Variants in ZNF385D observed in about 807,000 individuals in gnomAD.
ZNF385D encodes the protein zinc finger protein 659.
In ZNF385D, 15 loss-of-function variants were observed where a neutral mutation model predicts 35.8. The observed-to-expected ratio is 0.42, with a 90% CI of 0.28 to 0.64. ZNF385D has a LOEUF of 0.64. Among genes scored for constraint, ZNF385D ranks in the 30% least tolerant of loss-of-function variants. The pLI, the probability that ZNF385D is intolerant of heterozygous loss-of-function variation, is 0.23. For synonymous variants in ZNF385D, 212 were observed against 186.8 expected, an observed-to-expected ratio of 1.13 and a Z score of -1.10; for missense variants, 474 against 494.6, an observed-to-expected ratio of 0.96 and a Z score of 0.39.
intron 2 of ZNF385D, among the ~76,000 whole-genome samples, chr3:21,640,922 A>G (rs1283115670): frequency 6.6e-6 from 1 of 152,098 alleles, no homozygotes; most frequent in African/African-American, 2.4e-5. Flanking sequence ...GTGACTGCAC[A>G]TGTGAGAACC....
intron 3 of ZNF385D, among the ~76,000 whole-genome samples, chr3:21,789,717 A>C (rs1162029765): frequency 6.6e-6 from 1 of 152,108 alleles, no homozygotes; most frequent in East Asian, 1.9e-4. Context: ...TTATGTAAAA[A>C]AAGATAAATC....
chr3:22,268,791 C>G (rs545703954), intron 2 of ZNF385D, among the ~76,000 whole-genome samples: 1 of 151,996 alleles, frequency 6.6e-6, no homozygotes, highest in African/African-American at 2.4e-5. Flanking sequence ...GAGACATACC[C>G]CCTCAGAACC....
At chr3:22,224,882 A>G (rs1205851039) in intron 2 of ZNF385D, among the ~76,000 whole-genome samples, 1 of 152,132 alleles carries the variant, frequency 6.6e-6, no homozygotes, top group African/African-American at 2.4e-5. Context: ...GAGTTTTGCT[A>G]TAATCTTTGT....
In ZNF385D at chr3:21,663,935, A is replaced by C. The variant is rs570274750; in HGVS notation, c.165+951T>G. Among the ~76,000 whole-genome samples, 42 of 131,996 alleles carry C rather than the reference A, an allele frequency of 3.2e-4. 2 individuals carry two copies. In the South Asian group the frequency reaches 9.9e-3, roughly 31 times the overall value. The allele number at this position is 131,996 out of a possible 152,430, so 86.6% of individuals were successfully genotyped here. A position where few individuals can be genotyped will look rare whatever the true frequency, so the allele number is the denominator to read the frequency against. ...TATATATATTTATTTATTTAAATCC[A>C]TCATGGGGACAAGATATTGCAACAA... On this transcript the variant is annotated intron_variant, in intron 2 of 7. Transcript: ENST00000281523.
At chr3:22,173,126 A>G (rs1328106354) in intron 2 of ZNF385D, among the ~76,000 whole-genome samples, 1 of 152,232 alleles carries the variant, frequency 6.6e-6, no homozygotes, top group Non-Finnish European at 1.5e-5. Flanking sequence ...GGAACAGTAT[A>G]CAAAATACCT....
At chr3:21,808,356 G>C (rs572950716) in intron 3 of ZNF385D, among the ~76,000 whole-genome samples, 1 of 152,264 alleles carries the variant, frequency 6.6e-6, no homozygotes, top group Admixed American at 6.5e-5. Flanking sequence ...CCCTCCTCCA[G>C]GAAAACACTA....
At chr3:21,680,561 G>T (rs918599459) in intron 1 of ZNF385D, among the ~76,000 whole-genome samples, 6 of 152,166 alleles carry the variant, frequency 3.9e-5, no homozygotes, top group Admixed American at 6.6e-5. Context: ...CACATGTGAT[G>T]TTTAACTAAT....
intron 3 of ZNF385D, among the ~76,000 whole-genome samples, chr3:21,947,906 C>T (rs1701874452): frequency 6.6e-6 from 1 of 151,990 alleles, no homozygotes; most frequent in Admixed American, 6.6e-5. Context: ...TTTGTTTCAC[C>T]ACATTATATG....
chr3:21,996,412 C>A (rs1038393259), intron 3 of ZNF385D, among the ~76,000 whole-genome samples: 1 of 152,168 alleles, frequency 6.6e-6, no homozygotes, highest in Non-Finnish European at 1.5e-5. Flanking sequence ...CCCTGTCACT[C>A]CTCGGCTAAA....
At chr3:21,762,242 A>G (rs1274478855) in intron 3 of ZNF385D, among the ~76,000 whole-genome samples, 1 of 152,080 alleles carries the variant, frequency 6.6e-6, no homozygotes, top group African/African-American at 2.4e-5. Flanking sequence ...TGTTGGATTC[A>G]GCTGCTCCGT....
intron 3 of ZNF385D, among the ~76,000 whole-genome samples, chr3:21,916,397 T>C (rs1700194296): frequency 6.6e-6 from 1 of 152,152 alleles, no homozygotes; most frequent in Non-Finnish European, 1.5e-5. Context: ...TCATCTGCTT[T>C]ACTGATTCTA....
intron 2 of ZNF385D, among the ~76,000 whole-genome samples, chr3:22,215,108 T>C (rs1036626613): frequency 6.6e-6 from 1 of 151,992 alleles, no homozygotes; most frequent in Non-Finnish European, 1.5e-5. Flanking sequence ...AAAACCTACT[T>C]GAAATATCGG....
chr3:21,682,462 G>C (rs1198993057), intron 1 of ZNF385D, among the ~76,000 whole-genome samples: 1 of 150,222 alleles, frequency 6.7e-6, no homozygotes, highest in African/African-American at 2.5e-5. Flanking sequence ...ATGGTGAACA[G>C]ATGTTCTTCA....
At chr3:21,680,703 T>A (rs2066871713) in intron 1 of ZNF385D, among the ~76,000 whole-genome samples, 1 of 152,202 alleles carries the variant, frequency 6.6e-6, no homozygotes, top group South Asian at 2.1e-4. Flanking sequence ...CACCAACTAC[T>A]CCAGCCAAAA....
chr3:22,302,032 G>T (rs1702929704), intron 2 of ZNF385D, among the ~76,000 whole-genome samples: 2 of 151,552 alleles, frequency 1.3e-5, no homozygotes, highest in Admixed American at 6.6e-5. Flanking sequence ...CATTTATATT[G>T]TTTCCATGTT....
intron 1 of ZNF385D, among the ~76,000 whole-genome samples, chr3:21,721,412 G>A (rs73046251): frequency 0.012 from 1,880 of 151,846 alleles, 25 homozygotes; most frequent in Middle Eastern, 0.041. Context: ...GTTATAAAAA[G>A]AAATAGTCCA....
chr3:22,361,975 CAT>C (rs1696429155), intron 2 of ZNF385D, among the ~76,000 whole-genome samples: 1 of 151,608 alleles, frequency 6.6e-6, no homozygotes, highest in Non-Finnish European at 1.5e-5. Flanking sequence ...TCTAAATAGA[CAT>C]AGAAATGTAA....
chr3:21,932,026 G>A (rs1701033030), intron 3 of ZNF385D, among the ~76,000 whole-genome samples: 1 of 151,976 alleles, frequency 6.6e-6, no homozygotes, highest in South Asian at 2.1e-4. Context: ...AATTAGCCGG[G>A]AGCGGTGGCG....
At chr3:21,821,829 G>C (rs1694251863) in intron 3 of ZNF385D, among the ~76,000 whole-genome samples, 1 of 151,848 alleles carries the variant, frequency 6.6e-6, no homozygotes, top group African/African-American at 2.4e-5. Flanking sequence ...AGGCACGGTA[G>C]CACGTTCCTG....
Sources: allele counts gnomAD v4.1 joint callset (sites outside exome capture counted in the v4.1 genomes callset), GRCh38; gene constraint gnomAD v4.1.1; transcripts MANE v1.5; gene names NCBI Gene and HGNC (gene_info 2026-07-23, HGNC 2026-07-21).